Variants in ADH1C observed in about 807,000 individuals in gnomAD.
The protein encoded by ADH1C is alcohol dehydrogenase 1C.
In ADH1C, 26 loss-of-function variants were observed where a neutral mutation model predicts 35.0. The ratio of observed to expected loss-of-function variants is 0.74; its 90% CI spans 0.54 to 1.03. The LOEUF (loss-of-function observed/expected upper bound fraction) is 1.03. Among genes scored for constraint, ADH1C ranks in the 50% least tolerant of loss-of-function variants. The probability of loss-of-function intolerance (pLI) is 0.00; values close to 1 mark genes in which losing one functional copy is unlikely to be tolerated. For synonymous variants in ADH1C, 170 were observed against 169.3 expected (o/e 1.00, Z -0.03); for missense variants, 413 against 465.4 (o/e 0.89, Z 1.04).
chr4:99,346,788 T>G (rs1734539046), intron 3 of ADH1C, among the ~76,000 whole-genome samples: 1 of 152,092 alleles, frequency 6.6e-6, no homozygotes, highest in African/African-American at 2.4e-5. Flanking sequence ...CATCTAGTAG[T>G]ACATAATGGT....
At chr4:99,347,905 G>T (rs1003521930) in intron 1 of ADH1C, 59 bp from the exon 2 acceptor site, 1 of 1,593,416 alleles carries the variant, frequency 6.3e-7, no homozygotes. Flanking sequence ...GTCAGAAATT[G>T]TGTCTTTTCA....
intron 8 of ADH1C, 65 bp downstream of exon 8, chr4:99,339,512 G>GCCCC (rs5860576): frequency 5.4e-6 from 4 of 743,942 alleles, no homozygotes; most frequent in Non-Finnish European, 5.7e-6. Context: ...GCTAGACAAC[G>GCCCC]CCCCCCCCCC....
intron 3 of ADH1C, 32 bp downstream of exon 3, chr4:99,346,974 C>T (rs3762896): frequency 0.3 from 483,000 of 1,604,848 alleles, 84,354 homozygotes; most frequent in East Asian, 0.82. Flanking sequence ...GATGGTGAAC[C>T]AAGGCATGTT....
intron 8 of ADH1C, 134 bp from the exon 9 acceptor site, chr4:99,336,910 T>G: frequency 8.0e-7 from 1 of 1,253,612 alleles, no homozygotes; most frequent in South Asian, 1.4e-5. Context: ...CCCATCCCTA[T>G]GCATTTGGGT....
intron 2 of ADH1C, 120 bp downstream of exon 2, chr4:99,347,625 A>T (rs1011306168): frequency 2.7e-6 from 3 of 1,129,148 alleles, no homozygotes; most frequent in Admixed American, 3.0e-5. Flanking sequence ...AACAAATGTA[A>T]TTTTATTTTC....
chr4:99,348,859 G>A (rs1374706330), intron 1 of ADH1C, among the ~76,000 whole-genome samples: 2 of 152,066 alleles, frequency 1.3e-5, no homozygotes, highest in Admixed American at 6.6e-5. Context: ...ATTTTGATTT[G>A]CATTTCTCTG....
rs1373426441 is a variant in ADH1C, at chr4:99,339,710, T to G, written c.970A>C (p.Lys324Gln). ...AGTTTGGGGACAGATTCTTTACTCT[T>G]AAAGCCTGAAAAGAAGAAAATATCA... ...TWKGAIFGGF[K>Q]SKESVPKLVA... The change falls in exon 8 of 9, where the codon AAG becomes CAG. Residue 324 changes from lysine (K) to glutamine (Q), a missense_variant. Coordinates refer to ENST00000515683, the MANE Select transcript of ADH1C (RefSeq NM_000669.5). 3 of 1,606,238 alleles carry G rather than the reference T, an allele frequency of 1.9e-6. No individual in the cohort carries two copies.
intron 7 of ADH1C, 149 bp from the exon 8 acceptor site, chr4:99,339,864 T>G: frequency 1.4e-6 from 1 of 724,336 alleles, no homozygotes; most frequent in Non-Finnish European, 2.2e-6. Flanking sequence ...TACTTCAATA[T>G]GCTTTTACAG....
chr4:99,344,645 G>GA (rs1021217209), intron 5 of ADH1C, among the ~76,000 whole-genome samples: 3 of 147,276 alleles, frequency 2.0e-5, no homozygotes, highest in African/African-American at 7.3e-5. Flanking sequence ...AAAAATTATT[G>GA]AAAATGACAT....
At chr4:99,350,143 A>T (rs1423006271) in intron 1 of ADH1C, among the ~76,000 whole-genome samples, 1 of 152,204 alleles carries the variant, frequency 6.6e-6, no homozygotes, top group Non-Finnish European at 1.5e-5. Flanking sequence ...TGCCAAAATA[A>T]ATATCAGAAT....
rs746538706 is a variant in ADH1C, at chr4:99,345,057, C to T, written c.372G>A (p.Leu124=). 6 of 1,614,168 alleles carry T rather than the reference C, an allele frequency of 3.7e-6. No individual in the cohort carries two copies. In the Admixed American group the frequency reaches 1.0e-4, roughly 27 times the overall value. ...AGGTGAACCTCCTGGTGCCATCCTG[C>T]AGGGTCCCCCGAGGATTGCCTAGAC... ...KNDLGNPRGT[L]QDGTRRFTCS... Residue 124 remains leucine (L), a synonymous_variant, in exon 5 of 9, where the codon CTG becomes CTA. Transcript: ENST00000515683.
chr4:99,350,384 C>T lies in ADH1C; in HGVS notation c.18+2274G>A, dbSNP rs1272961538. On this transcript the variant is annotated intron_variant, in intron 1 of 8. Transcript: ENST00000515683. ...GCATGTGTCACCCGAGCAGTGTACA[C>T]TGTATCCAACGTGTAGTCTTTTATC... 5.9e-5 allele frequency among the ~76,000 whole-genome samples: 9 copies of T among 152,298 alleles called. No individual in the cohort carries two copies. In the East Asian group the frequency reaches 1.7e-3, roughly 29 times the overall value.
At chr4:99,340,485 C>T in intron 7 of ADH1C, 90 bp downstream of exon 7, 1 of 1,412,826 alleles carries the variant, frequency 7.1e-7, no homozygotes, top group South Asian at 1.3e-5. Flanking sequence ...TTTTTAATTT[C>T]ATTGCTTTTC....
At chr4:99,340,970 G>A (rs1173165880) in intron 6 of ADH1C, among the ~76,000 whole-genome samples, 3 of 152,184 alleles carry the variant, frequency 2.0e-5, no homozygotes, top group African/African-American at 7.2e-5. Context: ...GAATAAAGAG[G>A]CAAACATCAT....
At chr4:99,347,195 G>A in intron 2 of ADH1C, 51 bp from the exon 3 acceptor site, 1 of 1,579,336 alleles carries the variant, frequency 6.3e-7, no homozygotes. Flanking sequence ...ATGACTGTCA[G>A]ATGGACTTAA....
chr4:99,336,898 T>C, intron 8 of ADH1C, 122 bp from the exon 9 acceptor site: 1 of 1,316,302 alleles, frequency 7.6e-7, no homozygotes, highest in Non-Finnish European at 1.1e-6. Context: ...AGCCACTCCC[T>C]TCCCATCCCT....
chr4:99,344,707 A>C (rs1734488197), intron 5 of ADH1C, among the ~76,000 whole-genome samples, 155 bp downstream of exon 5: 1 of 152,212 alleles, frequency 6.6e-6, no homozygotes, highest in African/African-American at 2.4e-5. Context: ...TGAAATTTCT[A>C]GCCTGTGCTC....
chr4:99,336,709 G>A lies in ADH1C; in HGVS notation c.*43C>T, dbSNP rs1237027299. On this transcript the variant is annotated 3_prime_UTR_variant, in exon 9 of 9. Coordinates refer to ENST00000515683, the MANE Select transcript of ADH1C (RefSeq NM_000669.5). ...CTGTTGCTCCAGATCATGTAGGGTA[G>A]AGGAGGCTGAAAACTGCTACAAGGG... 1.9e-6 allele frequency: 3 copies of A among 1,606,604 alleles called. No homozygotes were observed. The highest frequency in any genetic ancestry group is 1.7e-5 in the Admixed American group (1 of 59,904).
chr4:99,347,934 T>A, intron 1 of ADH1C, 88 bp from the exon 2 acceptor site: 1 of 1,443,590 alleles, frequency 6.9e-7, no homozygotes, highest in Admixed American at 1.7e-5. Context: ...CATGCAACAT[T>A]GAGTCCCATG....
Sources: gnomAD v4.1 joint callset for allele counts (sites outside exome capture counted in the v4.1 genomes callset) on GRCh38, gnomAD v4.1.1 for gene constraint, MANE v1.5 for transcripts, NCBI Gene and HGNC (gene_info 2026-07-23, HGNC 2026-07-21) for gene names.